The following ROBO2 variants were observed in gnomAD, a reference collection of about 807,000 sequenced individuals.
ROBO2 encodes roundabout guidance receptor 2.
ROBO2 carries 53 observed loss-of-function variants against 160.8 expected under a neutral mutation model. The observed-to-expected ratio is 0.33, with a 90% CI of 0.26 to 0.41. ROBO2 has a LOEUF of 0.41. ROBO2 is among the 10% of genes least tolerant of loss of function. The probability of loss-of-function intolerance (pLI) is 1.00; values close to 1 mark genes in which losing one functional copy is unlikely to be tolerated. For missense variants in ROBO2, 1,577 were observed against 1,722.4 expected (o/e 0.92, Z 1.49); for synonymous variants, 664 against 611.7 (o/e 1.09, Z -1.26).
chr3:77,388,813 A>C (rs572525994), intron 2 of ROBO2, among the ~76,000 whole-genome samples: 79 of 152,238 alleles, frequency 5.2e-4, no homozygotes, highest in Non-Finnish European at 8.5e-4. Context: ...ATCTATAAAA[A>C]ATTTGTCTGA....
At chr3:77,095,100 A>C (rs764531354) in intron 1 of ROBO2, among the ~76,000 whole-genome samples, 1 of 152,112 alleles carries the variant, frequency 6.6e-6, no homozygotes, top group Non-Finnish European at 1.5e-5. Flanking sequence ...CCTAATTCAA[A>C]ATCATAAAAA....
At chr3:76,446,650 G>C (rs1448027953) in intron 2 of ROBO2, among the ~76,000 whole-genome samples, 1 of 152,138 alleles carries the variant, frequency 6.6e-6, no homozygotes, top group Non-Finnish European at 1.5e-5. Context: ...ATACTACAAG[G>C]CTGCAGTAAC....
intron 2 of ROBO2, chr3:77,316,663 C>A: frequency 1.5e-6 from 1 of 661,980 alleles, no homozygotes; most frequent in African/African-American, 1.8e-5. Context: ...ATACTTGCAT[C>A]CCAGTCATAC....
chr3:76,534,876 G>A (rs1164597069), intron 2 of ROBO2, among the ~76,000 whole-genome samples: 1 of 152,040 alleles, frequency 6.6e-6, no homozygotes, highest in Non-Finnish European at 1.5e-5. Flanking sequence ...TTTTAAGGAT[G>A]GATTTCCATG....
intron 2 of ROBO2, among the ~76,000 whole-genome samples, chr3:77,352,119 AAG>A (rs1491247140): frequency 2.0e-5 from 3 of 151,500 alleles, no homozygotes; most frequent in African/African-American, 7.3e-5. Context: ...TAAAAAAAAA[AAG>A]AGTCGCAGGT....
chr3:77,512,042 A>G (rs2089457133), intron 5 of ROBO2, among the ~76,000 whole-genome samples: 1 of 151,962 alleles, frequency 6.6e-6, no homozygotes, highest in African/African-American at 2.4e-5. Flanking sequence ...CATTATAATT[A>G]TAGATAAAAA....
intron 2 of ROBO2, among the ~76,000 whole-genome samples, chr3:76,997,807 G>T (rs556777567): frequency 1.1e-4 from 16 of 152,224 alleles, no homozygotes; most frequent in Non-Finnish European, 2.2e-4. Flanking sequence ...CTGCAGTTTG[G>T]TTGTTCTGAT....
chr3:76,329,889 C>G (rs893366332), intron 2 of ROBO2, among the ~76,000 whole-genome samples: 3 of 152,130 alleles, frequency 2.0e-5, no homozygotes, highest in Admixed American at 6.5e-5. Flanking sequence ...CTTAAAGAAG[C>G]CTTGATACTT....
At chr3:76,918,513 T>C (rs1182789912) in intron 2 of ROBO2, among the ~76,000 whole-genome samples, 1 of 152,198 alleles carries the variant, frequency 6.6e-6, no homozygotes, top group Non-Finnish European at 1.5e-5. Flanking sequence ...ATAATAGGGG[T>C]TACACATCAG....
intron 2 of ROBO2, among the ~76,000 whole-genome samples, chr3:76,508,816 T>A (rs2080930119): frequency 6.6e-6 from 1 of 152,212 alleles, no homozygotes; most frequent in Admixed American, 6.5e-5. Context: ...ATGTACTGTT[T>A]ATATGAACTC....
At chr3:76,907,822 G>GA (rs2075703983) in intron 2 of ROBO2, among the ~76,000 whole-genome samples, 1 of 116,982 alleles carries the variant, frequency 8.5e-6, no homozygotes, top group Admixed American at 9.7e-5. Context: ...TGTTTGTTTG[G>GA]GGTGTGTGTG....
intron 2 of ROBO2, among the ~76,000 whole-genome samples, chr3:76,555,418 A>AAGAAGAAG (rs879848225): frequency 1.5e-4 from 12 of 80,172 alleles, no homozygotes; most frequent in East Asian, 1.4e-3. Context: ...GAAGAAGAAG[A>AAGAAGAAG]AAGAAGGAGA....
intron 2 of ROBO2, among the ~76,000 whole-genome samples, chr3:76,955,875 AGT>A (rs2079215200): frequency 6.8e-6 from 1 of 146,564 alleles, no homozygotes; most frequent in Non-Finnish European, 1.5e-5. Flanking sequence ...CAGGTGTTGC[AGT>A]GAGACTCCGT....
chr3:76,437,524 C>T (rs1266424312), intron 2 of ROBO2, among the ~76,000 whole-genome samples: 5 of 152,146 alleles, frequency 3.3e-5, no homozygotes, highest in Non-Finnish European at 7.4e-5. Context: ...TGAAATGTCA[C>T]ATGTGAATTT....
intron 2 of ROBO2, among the ~76,000 whole-genome samples, chr3:76,283,173 C>A (rs1386370555): frequency 1.6e-4 from 4 of 24,268 alleles, no homozygotes; most frequent in Admixed American, 5.1e-4. Context: ...TATATAGTGA[C>A]CCCTGCCATG....
At chr3:77,013,348 A>G (rs968049362) in intron 2 of ROBO2, among the ~76,000 whole-genome samples, 4 of 152,142 alleles carry the variant, frequency 2.6e-5, no homozygotes, top group African/African-American at 7.2e-5. Flanking sequence ...AGTTGGGTTT[A>G]TAATGGAAAA....
intron 2 of ROBO2, among the ~76,000 whole-genome samples, chr3:76,859,387 G>C (rs889271926): frequency 6.6e-6 from 1 of 152,086 alleles, no homozygotes; most frequent in South Asian, 2.1e-4. Flanking sequence ...GCTCACATAG[G>C]ATGGCTTGGA....
chr3:76,482,399 C>T (rs564580637), intron 2 of ROBO2, among the ~76,000 whole-genome samples: 1 of 152,170 alleles, frequency 6.6e-6, no homozygotes, highest in East Asian at 1.9e-4. Context: ...TTAATTTATG[C>T]AAAAACCATT....
intron 2 of ROBO2, among the ~76,000 whole-genome samples, chr3:77,019,673 G>A (rs1399343799): frequency 1.3e-5 from 2 of 152,172 alleles, no homozygotes; most frequent in Admixed American, 1.3e-4. Flanking sequence ...CAAACTACCA[G>A]ATCTTGATTT....
Sources: allele counts gnomAD v4.1 joint callset (sites outside exome capture counted in the v4.1 genomes callset), GRCh38; gene constraint gnomAD v4.1.1; transcripts MANE v1.5; gene names NCBI Gene and HGNC (gene_info 2026-07-23, HGNC 2026-07-21).